SYNE2: variants seen among roughly 807,000 people sequenced by gnomAD.
SYNE2 encodes nesprin-2.
In SYNE2, 431 loss-of-function variants were observed where a neutral mutation model predicts 856.3. The observed-to-expected ratio is 0.50, with a 90% CI of 0.47 to 0.55. The LOEUF (loss-of-function observed/expected upper bound fraction) is 0.55. Among genes scored for constraint, SYNE2 ranks in the 20% least tolerant of loss-of-function variants. The pLI is 0.00. For missense variants in SYNE2, 8,129 were observed against 8,023.2 expected (o/e 1.01, Z -0.50); for synonymous variants, 2,923 against 2,872.3 (o/e 1.02, Z -0.56).
At chr14:64,037,790 C>A (rs1469828464) in intron 45 of SYNE2, among the ~76,000 whole-genome samples, 5 of 139,906 alleles carry the variant, frequency 3.6e-5, no homozygotes, top group Non-Finnish European at 7.9e-5. Context: ...GTAGGGGCGG[C>A]CGGGCAGAGG....
chr14:63,955,462 G>T (rs1175682470), intron 8 of SYNE2, among the ~76,000 whole-genome samples: 3 of 152,088 alleles, frequency 2.0e-5, no homozygotes, highest in Non-Finnish European at 4.4e-5. Context: ...ATAAAATTAA[G>T]ATTTAAAAAT....
intron 1 of SYNE2, among the ~76,000 whole-genome samples, chr14:63,892,973 A>G (rs962179559): frequency 6.6e-6 from 1 of 152,164 alleles, no homozygotes; most frequent in Admixed American, 6.6e-5. Flanking sequence ...ATGTCAGTCA[A>G]GAGTAAAAAC....
chr14:64,146,136 C>A lies in SYNE2; in HGVS notation c.15552C>A (p.Asn5184Lys). Residue 5184 changes from asparagine to lysine, a missense_variant, in exon 84 of 116, where the codon AAC becomes AAA. Asn to Lys is a moderately conservative substitution (Grantham distance 94). Around this residue, in one of 3 missense-constraint regions of SYNE2, gnomAD observed 5,410 missense variants for 5,284.8 expected, o/e 1.02. Coordinates refer to ENST00000555002, the MANE Select transcript of SYNE2 (RefSeq NM_182914.3). ...AAAATAAAATACAGATCTTGAACAACTGGCTGGAAGCACAAGAAGAGAGAC... is the reference window on the plus strand; with the variant it reads ...AAAATAAAATACAGATCTTGAACAAATGGCTGGAAGCACAAGAAGAGAGAC... The part of the protein sequence containing the change: ...ESENKIQILN[N>K]WLEAQEERLK... 3.1e-6 allele frequency: 5 copies of A among 1,610,518 alleles called. No homozygotes were observed. Among genetic ancestry groups the A allele is most frequent in the Non-Finnish European group, 4.2e-6 (5 of 1,178,236 alleles).
Position 63,948,780 on chromosome 14 carries a change from GTGTATATATATATATATATATATATA to G in SYNE2, c.409-1043_409-1018del, listed in dbSNP as rs1255082428. On this transcript the variant is annotated intron_variant, in intron 6 of 115. Transcript: ENST00000555002. ...TATATGTATATATATGTATGTGTGT[GTGTATATATATATATATATATATATA>G]TATATATATATATATATGTAGCTTA... Among the ~76,000 whole-genome samples the G allele has an allele frequency of 9.8e-5, 8 of 81,974 alleles. 1 individual carries two copies. Among genetic ancestry groups the G allele is most frequent in the East Asian group, 3.5e-4 (1 of 2,834 alleles). The allele number at this position is 81,974 out of a possible 152,430, so 53.8% of individuals were successfully genotyped here.
chr14:64,126,826 A>G lies in SYNE2; in HGVS notation c.13917+19A>G. 1 of 1,606,692 alleles carries G rather than the reference A, an allele frequency of 6.2e-7. No homozygotes were observed. The highest frequency in any genetic ancestry group is 8.5e-7 in the Non-Finnish European group (1 of 1,179,846). Reference sequence around the variant, plus strand: ...TTACCAGGTATGATTCCGAGCACACAGCCTATTTTGGCACTGTTTTAAGTT... The same window carrying G: ...TTACCAGGTATGATTCCGAGCACACGGCCTATTTTGGCACTGTTTTAAGTT... On this transcript the variant is annotated intron_variant, in intron 73 of 115. Transcript: ENST00000555002.
Position 64,174,956 on chromosome 14 carries a change from C to G in SYNE2, c.17248C>G (p.His5750Asp). 6.2e-7 allele frequency: 1 copy of G among 1,613,930 alleles called. No individual in the cohort carries two copies. Among genetic ancestry groups the G allele is most frequent in the Non-Finnish European group, 8.5e-7 (1 of 1,179,942 alleles). Reference protein sequence around the residue: ...LIHELKNKEIHFQRRRTTCAL... With the variant: ...LIHELKNKEIDFQRRRTTCAL... Reference sequence around the variant, plus strand: ...TTTTTTTTCTTAGAATAAAGAAATTCATTTTCAAAGGAGGCGAACTACCTG... The same window carrying G: ...TTTTTTTTCTTAGAATAAAGAAATTGATTTTCAAAGGAGGCGAACTACCTG... Residue 5750 changes from histidine to aspartate, a missense_variant, in exon 95 of 116, where the codon CAT becomes GAT. Around this residue, in one of 3 missense-constraint regions of SYNE2, gnomAD observed 5,410 missense variants for 5,284.8 expected, o/e 1.02. Coordinates refer to ENST00000555002, the MANE Select transcript of SYNE2 (RefSeq NM_182914.3).
intron 32 of SYNE2, among the ~76,000 whole-genome samples, chr14:64,015,341 A>C (rs2096884356): frequency 6.6e-6 from 1 of 151,724 alleles, no homozygotes; most frequent in Admixed American, 6.6e-5. Context: ...CTTTTTGGGG[A>C]GTTTCTACAT....
At chr14:64,179,939 G>A (rs2098450506) in intron 96 of SYNE2, among the ~76,000 whole-genome samples, 1 of 152,088 alleles carries the variant, frequency 6.6e-6, no homozygotes, top group South Asian at 2.1e-4. Flanking sequence ...CGCTTCCTTT[G>A]CAAAATCTTC....
chr14:63,986,501 C>T lies in SYNE2; in HGVS notation c.2197C>T (p.Leu733=). 1 of 1,614,066 alleles carries T rather than the reference C, an allele frequency of 6.2e-7. No individual in the cohort carries two copies. Among genetic ancestry groups the T allele is most frequent in the African/African-American group, 1.3e-5 (1 of 75,022 alleles). The change falls in exon 19 of 116, where the codon CTA becomes TTA. Residue 733 remains leucine, a synonymous_variant. Coordinates refer to ENST00000555002, the MANE Select transcript of SYNE2 (RefSeq NM_182914.3). ...AGAAAATGAAGAATTCACAGGGCAA[C>T]TAAAAGTGGCTAAAGATGTTGAAAA... The part of the protein sequence containing the change: ...EKENEEFTGQ[L]KVAKDVEKLI...
chr14:64,052,000 A>C lies in SYNE2; in HGVS notation c.8087A>C (p.Glu2696Ala), dbSNP rs768678493. The change falls in exon 48 of 116, where the codon GAA (glutamate) becomes GCA (alanine). Residue 2696 changes from glutamate to alanine, a missense_variant. Glu to Ala is a moderately radical substitution (Grantham distance 107, BLOSUM62 -1). Coordinates refer to ENST00000555002, the MANE Select transcript of SYNE2 (RefSeq NM_182914.3). ...AELQMKRIWG[E>A]KEKKNLEDGI... The stretch of plus-strand genomic sequence containing the variant: ...CTTCAGATGAAGAGGATTTGGGGAG[A>C]AAAAGAAAAGAAGAATTTGGAGGAT... The C allele has an allele frequency of 5.0e-6, 8 of 1,613,706 alleles. No individual in the cohort carries two copies. Among genetic ancestry groups the C allele is most frequent in the Non-Finnish European group, 6.8e-6 (8 of 1,179,950 alleles).
At chr14:63,859,545 G>A (rs778114031) in intron 1 of SYNE2, among the ~76,000 whole-genome samples, 27 of 152,210 alleles carry the variant, frequency 1.8e-4, no homozygotes, top group South Asian at 1.2e-3. Context: ...TTGGCTGGGC[G>A]TGGTGGCTCA....
intron 1 of SYNE2, among the ~76,000 whole-genome samples, chr14:63,898,188 C>T (rs1309043193): frequency 6.6e-6 from 1 of 152,084 alleles, no homozygotes; most frequent in Non-Finnish European, 1.5e-5. Flanking sequence ...GTAGTCACAT[C>T]CCTCCTTCCC....
At chr14:64,144,959 C>T (rs1407220502) in intron 83 of SYNE2, among the ~76,000 whole-genome samples, 1 of 147,346 alleles carries the variant, frequency 6.8e-6, no homozygotes, top group Non-Finnish European at 1.5e-5. Flanking sequence ...CAGAGTCTCG[C>T]CCTGTTGCCC....
At chr14:64,170,145 G>C in intron 93 of SYNE2, 83 bp from the exon 94 acceptor site, 1 of 1,310,612 alleles carries the variant, frequency 7.6e-7, no homozygotes, top group Middle Eastern at 2.6e-4. Context: ...TATAAAAACT[G>C]AATCTGAGCT....
At chr14:64,127,982 C>T (rs1412079782) in intron 73 of SYNE2, among the ~76,000 whole-genome samples, 1 of 152,132 alleles carries the variant, frequency 6.6e-6, no homozygotes, top group African/African-American at 2.4e-5. Context: ...ATGTATTTAT[C>T]CATCATGACA....
chr14:63,864,946 G>A (rs1005572672), intron 1 of SYNE2, among the ~76,000 whole-genome samples: 1 of 151,814 alleles, frequency 6.6e-6, no homozygotes, highest in Admixed American at 6.6e-5. Flanking sequence ...GTGGTATAGT[G>A]TAGTGGTTAA....
At chr14:63,955,697 C>T (rs558424015) in intron 8 of SYNE2, among the ~76,000 whole-genome samples, 1 of 152,114 alleles carries the variant, frequency 6.6e-6, no homozygotes, top group Non-Finnish European at 1.5e-5. Flanking sequence ...AATGTACACA[C>T]ATTTACACTA....
chr14:64,087,808 A>G lies in SYNE2; in HGVS notation c.11622A>G (p.Leu3874=), dbSNP rs1330818495. 1 of 1,614,142 alleles carries G rather than the reference A, an allele frequency of 6.2e-7. No homozygotes were observed. Among genetic ancestry groups the G allele is most frequent in the Non-Finnish European group, 8.5e-7 (1 of 1,179,972 alleles). ...IQELSNQVTA[L]QQKIMESLPQ... is the part of the protein sequence containing the mutation. ...AGTTAAGTAATCAAGTAACAGCTTT[A>G]CAACAAAAAATAATGGAAAGCCTTC... Residue 3874 remains leucine, a synonymous_variant, in exon 58 of 116, where the codon TTA becomes TTG. Coordinates refer to ENST00000555002, the MANE Select transcript of SYNE2 (RefSeq NM_182914.3).
At chr14:63,916,962 C>A (rs1205599537) in intron 2 of SYNE2, among the ~76,000 whole-genome samples, 10 of 151,996 alleles carry the variant, frequency 6.6e-5, no homozygotes. Flanking sequence ...TGGCAACATT[C>A]CCCTGTACGT....
Sources: allele counts gnomAD v4.1 joint callset (sites outside exome capture counted in the v4.1 genomes callset), GRCh38; gene constraint gnomAD v4.1.1; regional missense constraint gnomAD v4.1.1; transcripts MANE v1.5; gene names NCBI Gene and HGNC (gene_info 2026-07-23, HGNC 2026-07-21).